The following CHST11 variants were observed in gnomAD, a reference collection of about 807,000 sequenced individuals.
CHST11 encodes carbohydrate sulfotransferase 11, also known as C4S-1.
A neutral mutation model predicts 30.4 loss-of-function variants in CHST11; 9 were observed. That is an observed-to-expected ratio of 0.30 (90% CI 0.18 to 0.52). The LOEUF is 0.52. CHST11 is among the 20% of genes least tolerant of loss of function. The pLI is 0.97. For missense variants in CHST11, 348 were observed against 460.6 expected (o/e 0.76, Z 2.24); for synonymous variants, 152 against 187.8 (o/e 0.81, Z 1.56).
chr12:104,614,990 TC>T (rs1462873410), intron 2 of CHST11, among the ~76,000 whole-genome samples: 15 of 152,122 alleles, frequency 9.9e-5, no homozygotes, highest in African/African-American at 3.6e-4. Context: ...GCTCCAGACT[TC>T]TAGAAAAGTC....
chr12:104,549,957 G>A (rs17207200), intron 1 of CHST11, among the ~76,000 whole-genome samples: 38,606 of 152,058 alleles, frequency 0.25, 5,176 homozygotes, highest in Middle Eastern at 0.41. Context: ...TTGAAACGAT[G>A]ACTCACTTCA....
chr12:104,667,042 T>A (rs561766495), intron 2 of CHST11, among the ~76,000 whole-genome samples: 14 of 152,204 alleles, frequency 9.2e-5, no homozygotes, highest in African/African-American at 3.1e-4. Context: ...TAGTTCTTCA[T>A]GAACATAGTC....
At position 104,711,079 on chromosome 12, in the gene CHST11, TG is replaced by T. The variant is rs548858310; in HGVS notation, c.205-45864del. 5.2e-3 allele frequency among the ~76,000 whole-genome samples: 791 copies of T among 152,152 alleles called. 3 individuals are homozygous for T. The highest frequency in any genetic ancestry group is 7.9e-3 in the Non-Finnish European group (538 of 68,010). On this transcript the variant is annotated intron_variant, in intron 2 of 2. Transcript: ENST00000303694. ...CTGTTGCAATTATCAAATATTTGCG[TG>T]GGGGGTGTATATTCTTTCTTCTTCC...
intron 1 of CHST11, among the ~76,000 whole-genome samples, chr12:104,503,504 A>G (rs1046341194): frequency 2.0e-5 from 3 of 152,234 alleles, no homozygotes; most frequent in East Asian, 1.9e-4. Flanking sequence ...TTTAGGAATA[A>G]AAGAGCAAAT....
At chr12:104,598,672 C>G (rs2038928914) in intron 1 of CHST11, among the ~76,000 whole-genome samples, 2 of 152,212 alleles carry the variant, frequency 1.3e-5, no homozygotes, top group African/African-American at 4.8e-5. Context: ...CGTTGAGAAA[C>G]TCTAGTTTTT....
rs1321830486 is a variant in CHST11 at position 104,676,300 on chromosome 12, A to G, written c.204+74309A>G. ...GAAATGAGTTCCTTCCAGAGGTTCCAGTGGAGAATCTGTCCCTTGCCTTTT... is the reference window on the plus strand; with the variant it reads ...GAAATGAGTTCCTTCCAGAGGTTCCGGTGGAGAATCTGTCCCTTGCCTTTT... On this transcript the variant is annotated intron_variant, in intron 2 of 2. Coordinates refer to ENST00000303694, the MANE Select transcript of CHST11 (RefSeq NM_018413.6). The surrounding 1 kb of genome is among the most constrained non-coding windows in gnomAD (Gnocchi z 4.4). Among the ~76,000 whole-genome samples the G allele has an allele frequency of 6.6e-6, 1 of 152,226 alleles. No homozygotes were observed. The highest frequency in any genetic ancestry group is 1.5e-5 in the Non-Finnish European group (1 of 68,036).
At chr12:104,712,316 T>C (rs2040094573) in intron 2 of CHST11, among the ~76,000 whole-genome samples, 1 of 152,136 alleles carries the variant, frequency 6.6e-6, no homozygotes, top group African/African-American at 2.4e-5. Flanking sequence ...GCATCTCACC[T>C]TGACTCCTCA....
At chr12:104,516,669 A>G (rs1189681884) in intron 1 of CHST11, among the ~76,000 whole-genome samples, 8 of 152,042 alleles carry the variant, frequency 5.3e-5, no homozygotes, top group Non-Finnish European at 1.2e-4. Flanking sequence ...GTAACATGCC[A>G]TCCATTGAAA....
intron 2 of CHST11, among the ~76,000 whole-genome samples, chr12:104,705,997 G>A (rs2040029687): frequency 1.3e-5 from 2 of 152,124 alleles, no homozygotes; most frequent in Non-Finnish European, 2.9e-5. Flanking sequence ...GAGGCAGGAG[G>A]ATTGCTTGAG....
At chr12:104,725,032 G>T (rs920772419) in intron 2 of CHST11, among the ~76,000 whole-genome samples, 5 of 152,140 alleles carry the variant, frequency 3.3e-5, no homozygotes, top group Non-Finnish European at 7.4e-5. Context: ...GGGTGGTAGA[G>T]TGTCAGCCTT....
intron 2 of CHST11, among the ~76,000 whole-genome samples, chr12:104,652,448 G>A (rs1391514888): frequency 6.6e-6 from 1 of 152,238 alleles, no homozygotes; most frequent in Non-Finnish European, 1.5e-5. Flanking sequence ...TGAGGAGACA[G>A]TCACGGGAGC....
At chr12:104,694,138 A>G (rs539416953) in intron 2 of CHST11, among the ~76,000 whole-genome samples, 5 of 152,304 alleles carry the variant, frequency 3.3e-5, no homozygotes, top group African/African-American at 4.8e-5. Flanking sequence ...TTCATCAGAA[A>G]GCTTTGCCAG....
chr12:104,478,885 T>C (rs2037590369), intron 1 of CHST11, among the ~76,000 whole-genome samples: 1 of 152,168 alleles, frequency 6.6e-6, no homozygotes, highest in South Asian at 2.1e-4. Context: ...GGTTTGGTTC[T>C]TAACACATAG....
chr12:104,744,826 A>G (rs966804306), intron 2 of CHST11, among the ~76,000 whole-genome samples: 2 of 152,022 alleles, frequency 1.3e-5, no homozygotes, highest in Admixed American at 6.6e-5. Flanking sequence ...GCATAGGGAC[A>G]GCCAGTTATC....
At chr12:104,543,108 CCA>C (rs1179463607) in intron 1 of CHST11, among the ~76,000 whole-genome samples, 2 of 152,146 alleles carry the variant, frequency 1.3e-5, no homozygotes, top group East Asian at 3.9e-4. Flanking sequence ...CAGGAAGCTT[CCA>C]GTCATGGCAG....
chr12:104,709,695 G>A (rs2040069249), intron 2 of CHST11, among the ~76,000 whole-genome samples: 1 of 152,120 alleles, frequency 6.6e-6, no homozygotes, highest in South Asian at 2.1e-4. Flanking sequence ...CCATTTCTAT[G>A]AAATGTCCAG....
intron 1 of CHST11, among the ~76,000 whole-genome samples, chr12:104,507,843 C>A (rs115093042): frequency 6.6e-5 from 10 of 152,182 alleles, no homozygotes; most frequent in South Asian, 2.1e-4. Context: ...ACCCGCCCCC[C>A]ACCATGTTTG....
chr12:104,687,958 C>T (rs1486633293), intron 2 of CHST11, among the ~76,000 whole-genome samples: 1 of 152,176 alleles, frequency 6.6e-6, no homozygotes, highest in Non-Finnish European at 1.5e-5. Flanking sequence ...GTGTTTCCTG[C>T]TCTCAGCCAG....
rs144271245 is a variant in CHST11 at position 104,580,351 on chromosome 12, G to A, written c.119-21555G>A. ...TTCACTGTATGCTCTGGCTGATATA[G>A]TAAAGCATGGGCATTTAAGAAAAGG... On this transcript the variant is annotated intron_variant, in intron 1 of 2. Transcript: ENST00000303694. 4.8e-3 allele frequency among the ~76,000 whole-genome samples: 738 copies of A among 152,300 alleles called. 10 individuals are homozygous for A. The highest frequency in any genetic ancestry group is 0.015 in the African/African-American group (608 of 41,564).
Sources: allele counts gnomAD v4.1 joint callset (sites outside exome capture counted in the v4.1 genomes callset), GRCh38; gene constraint gnomAD v4.1.1; non-coding constraint Gnocchi (gnomAD v3.1); transcripts MANE v1.5; gene names NCBI Gene and HGNC (gene_info 2026-07-23, HGNC 2026-07-21).